Variants in AMOTL1 observed in about 807,000 individuals in gnomAD.
AMOTL1 encodes angiomotin like 1.
A neutral mutation model predicts 102.9 loss-of-function variants in AMOTL1; 45 were observed. That is an observed-to-expected ratio of 0.44 (90% CI 0.34 to 0.56). The LOEUF (loss-of-function observed/expected upper bound fraction) is 0.56. AMOTL1 is among the 20% of genes least tolerant of loss of function. The pLI, the probability that AMOTL1 is intolerant of heterozygous loss-of-function variation, is 0.01. For synonymous variants in AMOTL1, 481 were observed against 484.7 expected (o/e 0.99, Z 0.10); for missense variants, 1,114 against 1,225.6 (o/e 0.91, Z 1.36).
At chr11:94,771,761 T>A (rs1950956108) in intron 1 of AMOTL1, among the ~76,000 whole-genome samples, 1 of 152,122 alleles carries the variant, frequency 6.6e-6, no homozygotes, top group South Asian at 2.1e-4. Context: ...TATATTCATT[T>A]TGGACACTCA....
intron 1 of AMOTL1, among the ~76,000 whole-genome samples, chr11:94,780,842 A>T (rs1395619591): frequency 3.3e-5 from 5 of 152,260 alleles, no homozygotes; most frequent in African/African-American, 4.8e-5. Flanking sequence ...CAGCAGAGCC[A>T]GGATTCTTAC....
At chr11:94,763,781 G>C (rs1002429946), upstream of AMOTL1, among the ~76,000 whole-genome samples, 1 of 152,168 alleles carries the variant, frequency 6.6e-6, no homozygotes, top group Non-Finnish European at 1.5e-5. Context: ...GAGGAAGAAG[G>C]GGGTGGGTTG....
chr11:94,843,306 C>T (rs1331943166), intron 6 of AMOTL1, among the ~76,000 whole-genome samples: 4 of 152,128 alleles, frequency 2.6e-5, no homozygotes, highest in Non-Finnish European at 4.4e-5. Flanking sequence ...GTAACCAGTG[C>T]TCTTTTTGGA....
chr11:94,866,173 G>A lies in AMOTL1; in HGVS notation c.2488+5G>A. 1 of 1,613,200 alleles carries A rather than the reference G, an allele frequency of 6.2e-7. No homozygotes were observed. The highest frequency in any genetic ancestry group is 8.5e-7 in the Non-Finnish European group (1 of 1,179,328). On this transcript the variant is annotated splice_donor_5th_base_variant and intron_variant, in intron 11 of 12. Coordinates refer to ENST00000433060, the MANE Select transcript of AMOTL1 (RefSeq NM_130847.3). ...AGACCTGGAAGGGGAGCATAGGTGA[G>A]CCCCACACCTCTGTCAGACCATGAT...
At chr11:94,852,083 G>C (rs1332821840) in intron 7 of AMOTL1, among the ~76,000 whole-genome samples, 1 of 152,196 alleles carries the variant, frequency 6.6e-6, no homozygotes, top group East Asian at 1.9e-4. Context: ...CTCAGTGGAA[G>C]ATATGGTAAG....
chr11:94,779,592 C>T (rs756483658), intron 1 of AMOTL1, among the ~76,000 whole-genome samples: 5 of 152,052 alleles, frequency 3.3e-5, no homozygotes, highest in African/African-American at 4.8e-5. Context: ...GCCCTATTTT[C>T]GTAATTTTTT....
intron 1 of AMOTL1, 83 bp downstream of exon 1, chr11:94,768,643 C>A: frequency 6.5e-7 from 1 of 1,542,212 alleles, no homozygotes. Context: ...GCTCCCCGGG[C>A]CCCTGCTGCT....
intron 8 of AMOTL1, among the ~76,000 whole-genome samples, chr11:94,856,293 G>A (rs1006717752): frequency 1.3e-5 from 2 of 151,562 alleles, no homozygotes; most frequent in African/African-American, 2.4e-5. Context: ...ATTTTCTAAT[G>A]TTCCCAGTAA....
At chr11:94,734,503 T>C (rs1273724454) in intron 2 of AMOTL1, among the ~76,000 whole-genome samples, 1 of 152,250 alleles carries the variant, frequency 6.6e-6, no homozygotes, top group Non-Finnish European at 1.5e-5. Flanking sequence ...AAATTTCATT[T>C]TGATGAAACC....
rs1951338139 is a variant in AMOTL1, at chr11:94,794,915, C to T, written c.50-96C>T. The T allele has an allele frequency of 5.2e-6, 7 of 1,348,838 alleles. No homozygotes were observed. In the South Asian group the frequency reaches 8.0e-5, roughly 15 times the overall value. 83.6% of individuals were successfully genotyped at this position (1,348,838 alleles called of 1,614,324 possible). ...AAGAGCTCCCTCTGCCAAGTTGAAA[C>T]ACTGTGGGAGAATGCCTGGTGGGTT... On this transcript the variant is annotated intron_variant, in intron 1 of 12. Transcript: ENST00000433060.
chr11:94,707,692 C>T (rs1309121247), intron 1 of AMOTL1, among the ~76,000 whole-genome samples: 2 of 152,128 alleles, frequency 1.3e-5, no homozygotes, highest in Admixed American at 1.3e-4. Flanking sequence ...TTCATCCTCA[C>T]CTGAAATCTG....
chr11:94,708,075 A>G (rs1949958988), intron 1 of AMOTL1, among the ~76,000 whole-genome samples: 1 of 152,058 alleles, frequency 6.6e-6, no homozygotes, highest in East Asian at 1.9e-4. Context: ...AATGGTTTAC[A>G]TCTCTCTACC....
At chr11:94,794,775 C>G (rs1441992612) in intron 1 of AMOTL1, among the ~76,000 whole-genome samples, 1 of 152,324 alleles carries the variant, frequency 6.6e-6, no homozygotes, top group South Asian at 2.1e-4. Context: ...AGCATTTGCG[C>G]CTTCACTCAG....
intron 3 of AMOTL1, among the ~76,000 whole-genome samples, chr11:94,807,390 A>AT (rs1591986152): frequency 6.6e-6 from 1 of 152,082 alleles, no homozygotes; most frequent in South Asian, 2.1e-4. Context: ...TTTTGTTTAC[A>AT]TTTTTTCTGA....
intron 1 of AMOTL1, among the ~76,000 whole-genome samples, chr11:94,777,620 A>G (rs962830405): frequency 2.6e-5 from 4 of 152,212 alleles, no homozygotes; most frequent in Admixed American, 2.0e-4. Flanking sequence ...GTTATGTGTA[A>G]TTGTTTGTTC....
rs1952850359 is a variant in AMOTL1 at position 94,864,945 on chromosome 11, C to T, written c.2261+85C>T. 3 of 1,472,734 alleles carry T rather than the reference C, an allele frequency of 2.0e-6. No individual in the cohort carries two copies. In the South Asian group the frequency reaches 4.6e-5, roughly 23 times the overall value. The allele number at this position is 1,472,734 out of a possible 1,614,324, so 91.2% of individuals were successfully genotyped here. A position where few individuals can be genotyped will look rare whatever the true frequency, so the allele number is the denominator to read the frequency against. ...GAACAGATTGCTTCTCTGTCCTGTT[C>T]TGAAAGGCTGTGAGCATGAGGTCTC... is the stretch of plus-strand genomic sequence containing the variant. On this transcript the variant is annotated intron_variant, in intron 10 of 12. Transcript: ENST00000433060.
At chr11:94,803,234 C>T (rs1261697225) in intron 3 of AMOTL1, among the ~76,000 whole-genome samples, 1 of 152,220 alleles carries the variant, frequency 6.6e-6, no homozygotes, top group African/African-American at 2.4e-5. Context: ...TTTTTGTGAT[C>T]ACTCTTGACT....
upstream of AMOTL1, chr11:94,768,316 G>C (rs915797959): frequency 3.7e-6 from 5 of 1,368,160 alleles, no homozygotes; most frequent in East Asian, 1.2e-4. Flanking sequence ...GACCCTCCCC[G>C]GCCCGCGCGC....
chr11:94,854,029 C>T lies in AMOTL1; in HGVS notation c.1891C>T (p.Arg631Trp), dbSNP rs776430268. The T allele has an allele frequency of 5.1e-6, 8 of 1,565,302 alleles. 1 individual carries two copies. The highest frequency in any genetic ancestry group is 3.3e-4 in the Middle Eastern group (2 of 6,030). ...ATGTGAGAAGCGAGAACAGATGGAG[C>T]GGAGACTGCGGACTTGGCTGGAGAG... ...SACEKREQME[R>W]RLRTWLEREL... is the part of the protein sequence containing the mutation. Residue 631 changes from arginine to tryptophan, a missense_variant, in exon 8 of 13, where the codon CGG becomes TGG. Arg to Trp is a moderately radical substitution (Grantham distance 101, BLOSUM62 -3). Coordinates refer to ENST00000433060, the MANE Select transcript of AMOTL1 (RefSeq NM_130847.3).
Sources: allele counts gnomAD v4.1 joint callset (sites outside exome capture counted in the v4.1 genomes callset), GRCh38; gene constraint gnomAD v4.1.1; transcripts MANE v1.5; gene names NCBI Gene and HGNC (gene_info 2026-07-23, HGNC 2026-07-21).